Variants in GLG1 observed in about 807,000 individuals in gnomAD.
GLG1 encodes the protein golgi glycoprotein 1.
In GLG1, 38 loss-of-function variants were observed where a neutral mutation model predicts 160.5. That is an observed-to-expected ratio of 0.24 (90% CI 0.18 to 0.31). GLG1 has a LOEUF of 0.31. Ranked by LOEUF, GLG1 falls within the 10% of genes least tolerant of loss-of-function variation. The pLI is 1.00. For synonymous variants in GLG1, 644 were observed against 543.4 expected (o/e 1.19, Z -2.57); for missense variants, 1,373 against 1,505.2 (o/e 0.91, Z 1.45).
In GLG1 at chr16:74,586,819, C is replaced by G. The variant is rs1002214172; in HGVS notation, c.438+19838G>C. ...GTTCAAGCAATTCTGCCTCAGCCTA[C>G]CAAGTAGCTGGGATTACAGCCTCCC... On this transcript the variant is annotated intron_variant, in intron 1 of 25. Coordinates refer to ENST00000422840, the MANE Select transcript of GLG1 (RefSeq NM_001145667.2). Among the ~76,000 whole-genome samples, 7 of 151,952 alleles carry G rather than the reference C, an allele frequency of 4.6e-5. No individual in the cohort carries two copies. In the South Asian group the frequency reaches 1.5e-3, roughly 32 times the overall value.
At chr16:74,531,770 T>C (rs900373575) in intron 2 of GLG1, among the ~76,000 whole-genome samples, 3 of 152,248 alleles carry the variant, frequency 2.0e-5, no homozygotes, top group Non-Finnish European at 2.9e-5. Context: ...CTCCTTTTAA[T>C]GTGCTACTAT....
At chr16:74,510,902 C>G (rs1181445733) in intron 2 of GLG1, among the ~76,000 whole-genome samples, 1 of 151,988 alleles carries the variant, frequency 6.6e-6, no homozygotes, top group Non-Finnish European at 1.5e-5. Flanking sequence ...GGAGTTTGGT[C>G]AGGGAAGATT....
chr16:74,513,725 T>C (rs916556378), intron 2 of GLG1, among the ~76,000 whole-genome samples: 28 of 152,060 alleles, frequency 1.8e-4, no homozygotes, highest in African/African-American at 5.8e-4. Context: ...AAAACCAGAA[T>C]GCCTCTTCTC....
At chr16:74,469,958 G>A (rs758120021) in intron 16 of GLG1, 27 bp downstream of exon 16, 8 of 1,377,156 alleles carry the variant, frequency 5.8e-6, no homozygotes, top group Non-Finnish European at 7.3e-6. Context: ...TCGGGAAAGT[G>A]GAATGAAACA....
At chr16:74,454,168 C>T (rs1422180696) in intron 25 of GLG1, among the ~76,000 whole-genome samples, 5 of 151,728 alleles carry the variant, frequency 3.3e-5, no homozygotes, top group Non-Finnish European at 7.4e-5. Flanking sequence ...CCACTGCGCC[C>T]GGCCTTGTAA....
At chr16:74,585,988 G>A (rs1346621301) in intron 1 of GLG1, among the ~76,000 whole-genome samples, 19 of 148,176 alleles carry the variant, frequency 1.3e-4, no homozygotes, top group African/African-American at 4.0e-4. Context: ...GCTTGAACTC[G>A]GGAGGCAAAG....
intron 1 of GLG1, among the ~76,000 whole-genome samples, chr16:74,586,040 A>G (rs1424725328): frequency 3.3e-5 from 5 of 150,620 alleles, no homozygotes; most frequent in Non-Finnish European, 7.4e-5. Context: ...TCTAGCCTGG[A>G]CAACAGAGCA....
Position 74,483,152 on chromosome 16 carries a change from C to A in GLG1, c.1572-28G>T, listed in dbSNP as rs757612997. On this transcript the variant is annotated intron_variant, in intron 9 of 25. Transcript: ENST00000422840. ...AGCCATTAAATGTGTAAAATTGTAA[C>A]AAGAGAGAAGTGTTCAGAACTCTAT... The A allele has an allele frequency of 3.0e-6, 4 of 1,323,008 alleles. 1 individual carries two copies. The South Asian group carries it at 4.7e-5, about 16-fold the overall frequency. 82.0% of individuals were successfully genotyped at this position (1,323,008 alleles called of 1,614,324 possible).
chr16:74,525,112 T>C (rs1285525716), intron 2 of GLG1, among the ~76,000 whole-genome samples: 4 of 152,220 alleles, frequency 2.6e-5, no homozygotes, highest in Admixed American at 6.5e-5. Flanking sequence ...TATGAACACT[T>C]ATGTACACAT....
At chr16:74,468,564 A>C (rs1353170268) in intron 17 of GLG1, 1 of 196,248 alleles carries the variant, frequency 5.1e-6, no homozygotes, top group Non-Finnish European at 1.1e-5. Context: ...GCAGGGTTTC[A>C]TCACGTTGGC....
chr16:74,491,131 A>G lies in GLG1; in HGVS notation c.1319T>C (p.Ile440Thr). 1 of 1,613,954 alleles carries G rather than the reference A, an allele frequency of 6.2e-7. No individual in the cohort carries two copies. Residue 440 changes from isoleucine to threonine, a missense_variant, in exon 8 of 26, where the codon ATC (isoleucine) becomes ACC (threonine). Ile to Thr is a moderately conservative substitution (Grantham distance 89, BLOSUM62 -1). Coordinates refer to ENST00000422840, the MANE Select transcript of GLG1 (RefSeq NM_001145667.2). ...LMEDFSLSPE[I>T]ILSCRGEIEH... ...AATCTCCCCCCGACAGCTTAGGATG[A>G]TCTCAGGGCTCAGAGAAAAGTCTTC...
chr16:74,597,420 G>A (rs1274451923), intron 1 of GLG1, among the ~76,000 whole-genome samples: 3 of 134,190 alleles, frequency 2.2e-5, no homozygotes, highest in Non-Finnish European at 4.6e-5. Flanking sequence ...GACAGAGTGA[G>A]ACTCCATCTC....
At chr16:74,546,057 T>C (rs2018036291) in intron 1 of GLG1, among the ~76,000 whole-genome samples, 1 of 152,232 alleles carries the variant, frequency 6.6e-6, no homozygotes, top group South Asian at 2.1e-4. Context: ...ATTACTATAA[T>C]TCTTTCAAAG....
intron 1 of GLG1, among the ~76,000 whole-genome samples, chr16:74,555,576 G>C (rs2018329094): frequency 6.6e-6 from 1 of 151,944 alleles, no homozygotes; most frequent in Admixed American, 6.6e-5. Flanking sequence ...TGTAGTCCTA[G>C]CTGCTTGGGA....
At chr16:74,551,382 C>T (rs2018193634) in intron 1 of GLG1, among the ~76,000 whole-genome samples, 1 of 151,844 alleles carries the variant, frequency 6.6e-6, no homozygotes, top group Non-Finnish European at 1.5e-5. Context: ...GCAACCTTAG[C>T]CCCAACCCCC....
At chr16:74,456,518 G>A (rs1030720121) in intron 25 of GLG1, 131 bp downstream of exon 25, 20 of 685,152 alleles carry the variant, frequency 2.9e-5, no homozygotes, top group African/African-American at 2.0e-4. Context: ...AGACCAGTGC[G>A]ATATCTAAAA....
intron 4 of GLG1, among the ~76,000 whole-genome samples, chr16:74,496,872 T>G (rs746175439): frequency 2.0e-5 from 3 of 152,174 alleles, no homozygotes; most frequent in Non-Finnish European, 2.9e-5. Context: ...AATATAATAC[T>G]TGCATGCTAC....
At chr16:74,467,617 G>A (rs972797781) in intron 18 of GLG1, 139 bp downstream of exon 18, 8 of 599,484 alleles carry the variant, frequency 1.3e-5, no homozygotes, top group Admixed American at 3.0e-5. Flanking sequence ...GATTAGGTTG[G>A]AAGGGATGAG....
chr16:74,553,814 C>A (rs928869511), intron 1 of GLG1, among the ~76,000 whole-genome samples: 46 of 152,262 alleles, frequency 3.0e-4, no homozygotes, highest in Admixed American at 1.2e-3. Flanking sequence ...ATAGCAGTTG[C>A]AACTTCAGTT....
Sources: allele counts gnomAD v4.1 joint callset (sites outside exome capture counted in the v4.1 genomes callset), GRCh38; gene constraint gnomAD v4.1.1; transcripts MANE v1.5; gene names NCBI Gene and HGNC (gene_info 2026-07-23, HGNC 2026-07-21).